Variants in NUDCD3 observed in about 807,000 individuals in gnomAD.
NUDCD3 encodes NudC domain containing 3.
NUDCD3 carries 13 observed loss-of-function variants against 39.7 expected under a neutral mutation model. The ratio of observed to expected loss-of-function variants is 0.33; its 90% CI spans 0.21 to 0.52. The LOEUF is 0.52. NUDCD3 is among the 20% of genes least tolerant of loss of function. The probability of loss-of-function intolerance (pLI) is 0.96; values close to 1 mark genes in which losing one functional copy is unlikely to be tolerated. For missense variants in NUDCD3, 453 were observed against 458.1 expected (o/e 0.99, Z 0.10); for synonymous variants, 175 against 172.4 (o/e 1.02, Z -0.12).
chr7:44,485,166 G>C lies in NUDCD3; in HGVS notation c.311C>G (p.Ala104Gly), dbSNP rs1800580809. ...TGGAACTGGGACTGGCTCCTTCTCA[G>C]CTGCAGCAGCTGACACAGTCTTGGC... Reference protein sequence around the residue: ...EEAKTVSAAAAEKEPVPVPVQ... With the variant: ...EEAKTVSAAAGEKEPVPVPVQ... The change falls in exon 2 of 6, where the codon GCT becomes GGT. Residue 104 changes from alanine to glycine, a missense_variant. Transcript: ENST00000355451. The C allele has an allele frequency of 8.1e-6, 13 of 1,614,170 alleles. No homozygotes were observed. The highest frequency in any genetic ancestry group is 1.1e-5 in the Non-Finnish European group (13 of 1,180,026).
intron 2 of NUDCD3, among the ~76,000 whole-genome samples, chr7:44,430,968 G>A (rs1189854180): frequency 6.6e-6 from 1 of 152,180 alleles, no homozygotes; most frequent in Non-Finnish European, 1.5e-5. Flanking sequence ...GCCCTGGCCT[G>A]GCTCCTCTTG....
At chr7:44,490,173 G>A (rs991422012) in intron 1 of NUDCD3, 2 of 497,674 alleles carry the variant, frequency 4.0e-6, no homozygotes, top group Non-Finnish European at 7.1e-6. Flanking sequence ...GCTGAGTAGG[G>A]CTCTTAACAG....
chr7:44,391,761 A>G (rs1213634681), intron 5 of NUDCD3, among the ~76,000 whole-genome samples: 1 of 152,146 alleles, frequency 6.6e-6, no homozygotes, highest in East Asian at 1.9e-4. Flanking sequence ...CTAATTAATC[A>G]TTCTCTTTGG....
chr7:44,430,837 G>A (rs1799350703), intron 2 of NUDCD3, among the ~76,000 whole-genome samples: 1 of 152,158 alleles, frequency 6.6e-6, no homozygotes, highest in South Asian at 2.1e-4. Context: ...CTCTGCCTTC[G>A]AGTGAGGGGG....
At chr7:44,487,179 A>T (rs1800628442) in intron 1 of NUDCD3, among the ~76,000 whole-genome samples, 1 of 152,228 alleles carries the variant, frequency 6.6e-6, no homozygotes, top group Admixed American at 6.5e-5. Context: ...ATAAAATGGA[A>T]TGCAATTTTC....
chr7:44,450,201 A>T (rs1157166157), intron 2 of NUDCD3, among the ~76,000 whole-genome samples: 1 of 150,610 alleles, frequency 6.6e-6, no homozygotes, highest in African/African-American at 2.4e-5. Flanking sequence ...TTTTTGACAC[A>T]GAGTCTCGCT....
At chr7:44,437,505 T>C (rs985434265) in intron 2 of NUDCD3, among the ~76,000 whole-genome samples, 5 of 152,184 alleles carry the variant, frequency 3.3e-5, no homozygotes, top group Non-Finnish European at 5.9e-5. Flanking sequence ...GTATTTGCCA[T>C]TTAAAGTCCA....
At chr7:44,483,086 G>A (rs1245354495) in intron 2 of NUDCD3, among the ~76,000 whole-genome samples, 1 of 152,014 alleles carries the variant, frequency 6.6e-6, no homozygotes, top group African/African-American at 2.4e-5. Flanking sequence ...GTGTGTGTGT[G>A]TATGTGTGTG....
chr7:44,487,351 T>C (rs1800632079), intron 1 of NUDCD3, among the ~76,000 whole-genome samples: 1 of 151,602 alleles, frequency 6.6e-6, no homozygotes, highest in Non-Finnish European at 1.5e-5. Context: ...AGCACTCCCA[T>C]CCAAATTCTT....
intron 2 of NUDCD3, among the ~76,000 whole-genome samples, chr7:44,461,394 G>A (rs1800010074): frequency 6.6e-6 from 1 of 152,218 alleles, no homozygotes; most frequent in Admixed American, 6.5e-5. Flanking sequence ...ATATACATGG[G>A]ATGGGAGGAT....
At chr7:44,390,340 G>C (rs1330851998) in intron 5 of NUDCD3, among the ~76,000 whole-genome samples, 1 of 151,912 alleles carries the variant, frequency 6.6e-6, no homozygotes, top group Non-Finnish European at 1.5e-5. Flanking sequence ...TTCCAGCCTG[G>C]GTGACAGAGC....
At chr7:44,485,356 G>T in intron 1 of NUDCD3, 72 bp from the exon 2 acceptor site, 1 of 1,310,848 alleles carries the variant, frequency 7.6e-7, no homozygotes, top group Non-Finnish European at 1.1e-6. Context: ...TAGAAATGTC[G>T]TAAAATCTGT....
At chr7:44,469,702 A>C (rs2116962846) in intron 2 of NUDCD3, among the ~76,000 whole-genome samples, 1 of 152,310 alleles carries the variant, frequency 6.6e-6, no homozygotes, top group East Asian at 1.9e-4. Context: ...AATGGGACAA[A>C]TCCTGGCATG....
At chr7:44,472,867 T>C (rs1244715385) in intron 2 of NUDCD3, among the ~76,000 whole-genome samples, 1 of 152,186 alleles carries the variant, frequency 6.6e-6, no homozygotes, top group African/African-American at 2.4e-5. Context: ...CCTAGCAACC[T>C]AGCAGTGAGA....
In NUDCD3 at chr7:44,462,182, T is replaced by C. The variant is rs192269339; in HGVS notation, c.509+22786A>G. On this transcript the variant is annotated intron_variant, in intron 2 of 5. Transcript: ENST00000355451. ...TCTCTCTCTCTCATATATACACACA[T>C]ACAGAAAGAGAAAAAGAAATGCGTA... Among the ~76,000 whole-genome samples, 45 of 152,228 alleles carry C rather than the reference T, an allele frequency of 3.0e-4. 1 individual carries two copies. Among genetic ancestry groups the C allele is most frequent in the Admixed American group, 1.0e-3 (16 of 15,296 alleles).
intron 2 of NUDCD3, among the ~76,000 whole-genome samples, chr7:44,473,227 A>G (rs1430802582): frequency 6.6e-6 from 1 of 152,204 alleles, no homozygotes; most frequent in Non-Finnish European, 1.5e-5. Context: ...ATTAAATCAG[A>G]TCTCTAGAGC....
At chr7:44,413,795 G>A (rs1373648028) in intron 3 of NUDCD3, among the ~76,000 whole-genome samples, 3 of 152,210 alleles carry the variant, frequency 2.0e-5, no homozygotes, top group Non-Finnish European at 4.4e-5. Flanking sequence ...GCTCACGCCT[G>A]TAATCCCAGC....
At chr7:44,475,720 G>A (rs531976784) in intron 2 of NUDCD3, among the ~76,000 whole-genome samples, 6 of 151,928 alleles carry the variant, frequency 3.9e-5, no homozygotes, top group African/African-American at 9.7e-5. Flanking sequence ...CAATTGCACC[G>A]TGCTCCACTA....
chr7:44,457,027 T>TAA (rs577992201), intron 2 of NUDCD3, among the ~76,000 whole-genome samples: 9 of 142,566 alleles, frequency 6.3e-5, no homozygotes, highest in African/African-American at 2.3e-4. Flanking sequence ...ATAACCTGGT[T>TAA]AAAAAAAAAA....
Sources: allele counts gnomAD v4.1 joint callset (sites outside exome capture counted in the v4.1 genomes callset), GRCh38; gene constraint gnomAD v4.1.1; transcripts MANE v1.5; gene names NCBI Gene and HGNC (gene_info 2026-07-23, HGNC 2026-07-21).